ABCC8: variants seen among roughly 807,000 people sequenced by gnomAD.
ABCC8 encodes ATP-binding cassette sub-family C member 8.
ABCC8 carries 137 observed loss-of-function variants against 188.0 expected under a neutral mutation model. That is an observed-to-expected ratio of 0.73 (90% CI 0.63 to 0.84). The LOEUF (loss-of-function observed/expected upper bound fraction) is 0.84. ABCC8 is among the 40% of genes least tolerant of loss of function. ABCC8 has a pLI of 0.00. For synonymous variants in ABCC8, 797 were observed against 846.5 expected, an observed-to-expected ratio of 0.94 and a Z score of 1.01; for missense variants, 1,750 against 2,072.7, an observed-to-expected ratio of 0.84 and a Z score of 3.02.
chr11:17,457,134 T>C (rs1200388982), intron 6 of ABCC8, among the ~76,000 whole-genome samples: 1 of 152,182 alleles, frequency 6.6e-6, no homozygotes, highest in Non-Finnish European at 1.5e-5. Context: ...ACCAGCTGCA[T>C]GGACATGGTT....
intron 10 of ABCC8, among the ~76,000 whole-genome samples, chr11:17,438,567 C>A (rs1383713262): frequency 6.6e-6 from 1 of 152,206 alleles, no homozygotes; most frequent in Non-Finnish European, 1.5e-5. Context: ...GGACCTAGGA[C>A]CCCTTTGTCA....
chr11:17,465,909 C>A (rs989666791), intron 3 of ABCC8, among the ~76,000 whole-genome samples: 3 of 152,162 alleles, frequency 2.0e-5, no homozygotes, highest in Non-Finnish European at 2.9e-5. Context: ...GAAAACCCCT[C>A]AATGCACCCA....
intron 10 of ABCC8, among the ~76,000 whole-genome samples, 182 bp downstream of exon 10, chr11:17,442,538 A>C (rs1445072577): frequency 6.6e-6 from 1 of 152,220 alleles, no homozygotes; most frequent in African/African-American, 2.4e-5. Flanking sequence ...GGATAAATGA[A>C]TGAAGAGTAC....
chr11:17,460,461 C>A (rs1220435996), intron 6 of ABCC8, 27 bp downstream of exon 6: 13 of 1,613,846 alleles, frequency 8.1e-6, no homozygotes, highest in East Asian at 2.2e-5. Flanking sequence ...CTAGAGGGTG[C>A]CTTACCCTAC....
chr11:17,409,298 G>A (rs1191400404), intron 22 of ABCC8, among the ~76,000 whole-genome samples: 4 of 152,028 alleles, frequency 2.6e-5, no homozygotes, highest in East Asian at 1.9e-4. Flanking sequence ...ACACCATCAC[G>A]TAGACCTGAC....
rs55696758 is a variant in ABCC8 at position 17,421,004 on chromosome 11, G to A, written c.2223-4042C>T. 2.0e-5 allele frequency among the ~76,000 whole-genome samples: 3 copies of A among 152,212 alleles called. No homozygotes were observed. In the East Asian group the frequency reaches 5.8e-4, roughly 29 times the overall value. On this transcript the variant is annotated intron_variant, in intron 16 of 38. Coordinates refer to ENST00000389817, the MANE Select transcript of ABCC8 (RefSeq NM_000352.6). Reference sequence around the variant, plus strand: ...ACCACACAGTTCTCTCTGAGACCAGGAGCCAGGCTGCTGACGTGAGGGACA... The same window carrying A: ...ACCACACAGTTCTCTCTGAGACCAGAAGCCAGGCTGCTGACGTGAGGGACA...
At chr11:17,448,488 C>G (rs1800850) in intron 8 of ABCC8, 28 bp downstream of exon 8, 1 of 1,604,754 alleles carries the variant, frequency 6.2e-7, no homozygotes, top group South Asian at 1.1e-5. Flanking sequence ...CTGCTGCCCC[C>G]CTCCCTTCCC....
chr11:17,455,664 G>A (rs963340119), intron 6 of ABCC8, among the ~76,000 whole-genome samples: 12 of 152,108 alleles, frequency 7.9e-5, no homozygotes, highest in Admixed American at 2.0e-4. Flanking sequence ...CTGACTAGGC[G>A]TGGTGGGTCA....
At position 17,417,333 on chromosome 11, in the gene ABCC8, T is replaced by C. The variant is rs556740552; in HGVS notation, c.2223-371A>G. ...CAAACTGTGGATAGGGACCCAATCA[T>C]TGGGTCTGGAATAAGTAGGCGGCAA... On this transcript the variant is annotated intron_variant, in intron 16 of 38. Transcript: ENST00000389817. 4.6e-5 allele frequency among the ~76,000 whole-genome samples: 7 copies of C among 152,156 alleles called. 1 individual carries two copies. Among genetic ancestry groups the C allele is most frequent in the African/African-American group, 1.4e-4 (6 of 41,510 alleles).
intron 2 of ABCC8, 139 bp downstream of exon 2, chr11:17,474,747 C>T: frequency 1.0e-6 from 1 of 956,454 alleles, no homozygotes; most frequent in Non-Finnish European, 1.7e-6. Context: ...GAGGTTGGCA[C>T]ATAGAAGACA....
chr11:17,400,997 G>A, intron 29 of ABCC8, among the ~76,000 whole-genome samples: 1 of 152,222 alleles, frequency 6.6e-6, no homozygotes, highest in Non-Finnish European at 1.5e-5. Flanking sequence ...CATTCACCGT[G>A]TCAGTAGGGT....
chr11:17,461,318 A>G (rs1957180201), intron 5 of ABCC8: 1 of 534,412 alleles, frequency 1.9e-6, no homozygotes, highest in Non-Finnish European at 3.4e-6. Context: ...CCCTTCTCAG[A>G]GCCTCAGTTT....
At chr11:17,399,541 G>A (rs1468007513) in intron 29 of ABCC8, among the ~76,000 whole-genome samples, 1 of 151,972 alleles carries the variant, frequency 6.6e-6, no homozygotes, top group African/African-American at 2.4e-5. Flanking sequence ...CAACCTTCAG[G>A]GCTTGCCTTA....
chr11:17,395,657 G>A lies in ABCC8; in HGVS notation c.4260C>T (p.Arg1420=). 6.4e-7 allele frequency: 1 copy of A among 1,561,018 alleles called. No individual in the cohort carries two copies. Among genetic ancestry groups the A allele is most frequent in the Non-Finnish European group, 8.7e-7 (1 of 1,152,608 alleles). ...AKLPLHTLRS[R]LSIILQDPVL... Reference sequence around the variant, plus strand: ...CGGGGTCCTGCAGGATGATGGAGAGGCGTGAGCGCAGGGTGTGCAGCGGCA... The same window carrying A: ...CGGGGTCCTGCAGGATGATGGAGAGACGTGAGCGCAGGGTGTGCAGCGGCA... The change falls in exon 35 of 39, where the codon CGC becomes CGT. Residue 1420 remains arginine (R), a synonymous_variant. Coordinates refer to ENST00000389817, the MANE Select transcript of ABCC8 (RefSeq NM_000352.6).
chr11:17,426,920 T>C (rs1168331284), intron 16 of ABCC8, 129 bp downstream of exon 16: 1 of 1,030,134 alleles, frequency 9.7e-7, no homozygotes, highest in Non-Finnish European at 1.4e-6. Flanking sequence ...GAATATCCAT[T>C]AGCAGCATTT....
intron 7 of ABCC8, among the ~76,000 whole-genome samples, chr11:17,452,882 A>T (rs748158455): frequency 2.0e-5 from 3 of 152,206 alleles, no homozygotes; most frequent in Non-Finnish European, 2.9e-5. Flanking sequence ...TTTCAGACCC[A>T]GTCCAAGGCA....
intron 2 of ABCC8, among the ~76,000 whole-genome samples, chr11:17,472,111 T>A (rs1280190999): frequency 6.6e-6 from 1 of 152,242 alleles, no homozygotes; most frequent in Non-Finnish European, 1.5e-5. Context: ...AAATGCTTTT[T>A]TTTGCAATAG....
At chr11:17,446,394 G>A (rs899421095) in intron 8 of ABCC8, among the ~76,000 whole-genome samples, 1 of 152,036 alleles carries the variant, frequency 6.6e-6, no homozygotes, top group African/African-American at 2.4e-5. Context: ...ACAGCCCAAA[G>A]TGTTAACTAA....
At position 17,463,609 on chromosome 11, in the gene ABCC8, C is replaced by G. The variant is rs186946111; in HGVS notation, c.413-5G>C. 12 of 1,569,756 alleles carry G rather than the reference C, an allele frequency of 7.6e-6. No individual in the cohort carries two copies. Among genetic ancestry groups the G allele is most frequent in the African/African-American group, 1.4e-5 (1 of 73,852 alleles). The stretch of plus-strand genomic sequence containing the variant: ...GGGTCCAATACACCAGCAGGGCTGC[C>G]GAGGAGAGATGGAAGATCGCAGAGA... On this transcript the variant is annotated splice_region_variant and splice_polypyrimidine_tract_variant and intron_variant, in intron 3 of 38. Coordinates refer to ENST00000389817, the MANE Select transcript of ABCC8 (RefSeq NM_000352.6).
Sources: gnomAD v4.1 joint callset for allele counts (sites outside exome capture counted in the v4.1 genomes callset) on GRCh38, gnomAD v4.1.1 for gene constraint, MANE v1.5 for transcripts, NCBI Gene and HGNC (gene_info 2026-07-23, HGNC 2026-07-21) for gene names.